ZNF75A: variants seen among roughly 807,000 people sequenced by gnomAD.
The protein encoded by ZNF75A is zinc finger protein 75A.
A neutral mutation model predicts 46.3 loss-of-function variants in ZNF75A; 36 were observed. The observed-to-expected ratio is 0.78, with a 90% CI of 0.60 to 1.03. The LOEUF is 1.03. Among genes scored for constraint, ZNF75A ranks in the 50% least tolerant of loss-of-function variants. ZNF75A has a pLI of 0.00. For synonymous variants in ZNF75A, 234 were observed against 189.9 expected (o/e 1.23, Z -1.91); for missense variants, 595 against 551.3 (o/e 1.08, Z -0.79).
At chr16:3,312,244 A>G (rs1416742732) in intron 3 of ZNF75A, 2 of 152,258 alleles carry the variant, frequency 1.3e-5, no homozygotes, top group African/African-American at 4.8e-5. Flanking sequence ...GCTTGGGGCC[A>G]CTTCATCCTT....
intron 1 of ZNF75A, chr16:3,307,631 C>T (rs1960389421): frequency 6.6e-6 from 1 of 151,626 alleles, no homozygotes; most frequent in Admixed American, 6.6e-5. Context: ...GACTCTCCCA[C>T]CTCAGCCTCC....
At chr16:3,321,341 G>A (rs190618469), downstream of ZNF75A, among the ~76,000 whole-genome samples, 14 of 152,254 alleles carry the variant, frequency 9.2e-5, no homozygotes, top group Middle Eastern at 3.4e-3. Flanking sequence ...GTGGCTTCAC[G>A]GTTATTTCAG....
At chr16:3,320,947 T>A (rs2029917392), downstream of ZNF75A, among the ~76,000 whole-genome samples, 1 of 152,158 alleles carries the variant, frequency 6.6e-6, no homozygotes, top group South Asian at 2.1e-4. Context: ...CAGTTCCACC[T>A]GTGGAGTGAG....
In ZNF75A at chr16:3,318,351, G is replaced by T. The variant is rs1418301650; in HGVS notation, c.*482G>T. 2.0e-6 allele frequency: 2 copies of T among 988,044 alleles called. No individual in the cohort carries two copies. The highest frequency in any genetic ancestry group is 2.4e-6 in the Non-Finnish European group (2 of 831,818). 61.2% of individuals were successfully genotyped at this position (988,044 alleles called of 1,614,324 possible). A position where few individuals can be genotyped will look rare whatever the true frequency, so the allele number is the denominator to read the frequency against. On this transcript the variant is annotated 3_prime_UTR_variant, in exon 7 of 7. Coordinates refer to ENST00000669516, the MANE Select transcript of ZNF75A (RefSeq NM_001302109.2). Reference sequence around the variant, plus strand: ...CTTAAACTTTTCGGCAACTTCTCTTGGATCCTGTTATCACAGTTTTTTACT... The same window carrying T: ...CTTAAACTTTTCGGCAACTTCTCTTTGATCCTGTTATCACAGTTTTTTACT...
intron 2 of ZNF75A, among the ~76,000 whole-genome samples, chr16:3,309,922 G>A (rs548401074): frequency 6.6e-6 from 1 of 150,764 alleles, no homozygotes; most frequent in Non-Finnish European, 1.5e-5. Flanking sequence ...GTGTGACCTT[G>A]TTGCTATGAA....
intron 2 of ZNF75A, among the ~76,000 whole-genome samples, chr16:3,311,317 A>G (rs1196232777): frequency 6.6e-6 from 1 of 152,104 alleles, no homozygotes; most frequent in Non-Finnish European, 1.5e-5. Flanking sequence ...GCATACCTGT[A>G]ATCCCAGCTA....
At chr16:3,307,962 C>A (rs1596387439) in intron 1 of ZNF75A, 1 of 152,164 alleles carries the variant, frequency 6.6e-6, no homozygotes, top group African/African-American at 2.4e-5. Context: ...TTTTCCTAAT[C>A]TTATTTTCTC....
downstream of ZNF75A, among the ~76,000 whole-genome samples, chr16:3,320,252 G>T (rs1251077692): frequency 6.6e-6 from 1 of 152,174 alleles, no homozygotes; most frequent in African/African-American, 2.4e-5. Flanking sequence ...CACCTTGTTA[G>T]CCAGGATGGT....
At chr16:3,310,900 GA>G in intron 2 of ZNF75A, 2 of 985,424 alleles carry the variant, frequency 2.0e-6, no homozygotes, top group Non-Finnish European at 2.4e-6. Flanking sequence ...GGTCTGCTGG[GA>G]AGAATACAGG....
At position 3,317,342 on chromosome 16, in the gene ZNF75A, G is replaced by T. The variant is rs1567273255; in HGVS notation, c.1087G>T (p.Val363Leu). ...AGAAAATCATTTTGATATGCACAGA[G>T]TGGGAAAATGGCACCAAGATTTTCC... The part of the protein sequence containing the change: ...GKENHFDMHR[V>L]GKWHQDFPVK... Residue 363 changes from valine to leucine, a missense_variant, in exon 7 of 7, where the codon GTG becomes TTG. Physicochemically the swap from Val to Leu is conservative, Grantham distance 32 (BLOSUM62 1). Coordinates refer to ENST00000669516, the MANE Select transcript of ZNF75A (RefSeq NM_001302109.2). 8 of 1,614,120 alleles carry T rather than the reference G, an allele frequency of 5.0e-6. No individual in the cohort carries two copies. Among genetic ancestry groups the T allele is most frequent in the Non-Finnish European group, 5.9e-6 (7 of 1,180,014 alleles).
At chr16:3,320,835 C>T (rs2029912868), downstream of ZNF75A, among the ~76,000 whole-genome samples, 1 of 152,164 alleles carries the variant, frequency 6.6e-6, no homozygotes, top group African/African-American at 2.4e-5. Context: ...AGGGCAAAAG[C>T]AAATTTGTCC....
chr16:3,315,035 C>T, intron 5 of ZNF75A: 1 of 985,112 alleles, frequency 1.0e-6, no homozygotes, highest in Non-Finnish European at 1.2e-6. Context: ...ACCTGGGGAG[C>T]TTTTCCAGAT....
chr16:3,318,393 A>C lies in ZNF75A; in HGVS notation c.*524A>C, dbSNP rs913905612. 6.1e-5 allele frequency: 60 copies of C among 987,228 alleles called. No individual in the cohort carries two copies. In the East Asian group the frequency reaches 6.8e-4, roughly 11 times the overall value. The allele number at this position is 987,228 out of a possible 1,614,324, so 61.2% of individuals were successfully genotyped here. ...TTTTTTACTGTGATGAAATCTTGTTAACCACCACTAGGGAATCTCCAGATG... is the reference window on the plus strand; with the variant it reads ...TTTTTTACTGTGATGAAATCTTGTTCACCACCACTAGGGAATCTCCAGATG... On this transcript the variant is annotated 3_prime_UTR_variant, in exon 7 of 7. Coordinates refer to ENST00000669516, the MANE Select transcript of ZNF75A (RefSeq NM_001302109.2).
At chr16:3,319,796 T>TTA (rs1555466187), downstream of ZNF75A, among the ~76,000 whole-genome samples, 3 of 117,198 alleles carry the variant, frequency 2.6e-5, no homozygotes, top group African/African-American at 7.7e-5. Flanking sequence ...TTTTTTTTTT[T>TTA]ATTTTTTTTT....
chr16:3,313,213 C>G (rs1226422168), intron 5 of ZNF75A, 38 bp downstream of exon 5: 1 of 1,595,596 alleles, frequency 6.3e-7, no homozygotes, highest in Non-Finnish European at 8.5e-7. Context: ...GTTGAGTACT[C>G]TATTCTTGGC....
At chr16:3,306,269 C>G (rs1306660905) in intron 1 of ZNF75A, 13 of 152,084 alleles carry the variant, frequency 8.5e-5, no homozygotes. Context: ...TCATCGTCAC[C>G]AACTCCTGTT....
chr16:3,311,056 T>A, intron 2 of ZNF75A: 3 of 642,650 alleles, frequency 4.7e-6, no homozygotes, highest in Non-Finnish European at 5.8e-6. Flanking sequence ...ATTCATTTAT[T>A]TGAATTTTAG....
intron 5 of ZNF75A, chr16:3,314,621 G>T (rs879103522): frequency 1.0e-6 from 1 of 971,760 alleles, no homozygotes; most frequent in Non-Finnish European, 1.2e-6. Context: ...GTGGGCCCCC[G>T]CCTTTTTTTT....
chr16:3,310,877 TCTG>T (rs1231955737), intron 2 of ZNF75A: 1 of 985,416 alleles, frequency 1.0e-6, no homozygotes, highest in Non-Finnish European at 1.2e-6. Context: ...TGGCGACACA[TCTG>T]CTGACCTCGG....
Sources: allele counts gnomAD v4.1 joint callset (sites outside exome capture counted in the v4.1 genomes callset), GRCh38; gene constraint gnomAD v4.1.1; transcripts MANE v1.5; gene names NCBI Gene and HGNC (gene_info 2026-07-23, HGNC 2026-07-21).